The following ZCWPW2 variants were observed in gnomAD, a reference collection of about 807,000 sequenced individuals.
ZCWPW2 encodes the protein zinc finger CW-type PWWP domain protein 2.
A neutral mutation model predicts 46.6 loss-of-function variants in ZCWPW2; 45 were observed. The observed-to-expected ratio is 0.96, with a 90% CI of 0.76 to 1.24. The LOEUF is 1.24. ZCWPW2 is among the 50% of genes most tolerant of loss of function. ZCWPW2 has a pLI of 0.00. For synonymous variants in ZCWPW2, 152 were observed against 137.1 expected (o/e 1.11, Z -0.76); for missense variants, 429 against 403.9 (o/e 1.06, Z -0.53).
At chr3:28,469,242 A>G (rs1437299840) in intron 4 of ZCWPW2, among the ~76,000 whole-genome samples, 1 of 152,168 alleles carries the variant, frequency 6.6e-6, no homozygotes, top group East Asian at 1.9e-4. Flanking sequence ...TTAAAAAGCA[A>G]TAAATTTAAG....
chr3:28,468,760 G>A (rs1332322708), intron 4 of ZCWPW2, among the ~76,000 whole-genome samples: 1 of 152,058 alleles, frequency 6.6e-6, no homozygotes, highest in Non-Finnish European at 1.5e-5. Context: ...GATTTTCCCA[G>A]ACAAACAAAA....
intron 4 of ZCWPW2, among the ~76,000 whole-genome samples, chr3:28,474,851 A>C (rs1699180757): frequency 6.6e-6 from 1 of 151,500 alleles, no homozygotes; most frequent in Non-Finnish European, 1.5e-5. Context: ...TTTGTTTGAG[A>C]CGGAGTCTCG....
chr3:28,457,703 T>TTAC (rs1397371161), intron 4 of ZCWPW2, among the ~76,000 whole-genome samples: 1 of 152,216 alleles, frequency 6.6e-6, no homozygotes, highest in Non-Finnish European at 1.5e-5. Flanking sequence ...CATCAATATA[T>TTAC]TACTAATACT....
intron 4 of ZCWPW2, among the ~76,000 whole-genome samples, chr3:28,463,628 G>C (rs762815817): frequency 6.6e-6 from 1 of 152,030 alleles, no homozygotes; most frequent in Non-Finnish European, 1.5e-5. Flanking sequence ...TTTACAAGGA[G>C]GTGCCAAACT....
intron 4 of ZCWPW2, among the ~76,000 whole-genome samples, chr3:28,465,711 G>T (rs1022138027): frequency 5.9e-5 from 9 of 151,970 alleles, no homozygotes; most frequent in Non-Finnish European, 1.2e-4. Flanking sequence ...TTACATTATT[G>T]TAGACAATTA....
chr3:28,517,851 T>C (rs950713973), intron 8 of ZCWPW2, among the ~76,000 whole-genome samples: 2 of 152,150 alleles, frequency 1.3e-5, no homozygotes, highest in African/African-American at 2.4e-5. Context: ...AAACTAGATA[T>C]GGGGCTGGGC....
At chr3:28,391,656 G>A (rs1019257130) in intron 2 of ZCWPW2, among the ~76,000 whole-genome samples, 10 of 152,094 alleles carry the variant, frequency 6.6e-5, no homozygotes, top group Admixed American at 2.0e-4. Flanking sequence ...CAGTTTTCAC[G>A]GAATCCTCTT....
At chr3:28,377,376 G>C (rs1407632542) in intron 1 of ZCWPW2, among the ~76,000 whole-genome samples, 2 of 152,052 alleles carry the variant, frequency 1.3e-5, no homozygotes, top group African/African-American at 4.8e-5. Flanking sequence ...ATTACTCTTT[G>C]TTAGGATTAT....
intron 4 of ZCWPW2, among the ~76,000 whole-genome samples, chr3:28,463,296 A>G (rs1698709765): frequency 1.3e-5 from 2 of 152,102 alleles, no homozygotes. Context: ...TCTTGGAATC[A>G]TAGGATTTAC....
intron 1 of ZCWPW2, among the ~76,000 whole-genome samples, chr3:28,354,176 A>G (rs1486452954): frequency 1.3e-5 from 2 of 152,142 alleles, no homozygotes; most frequent in Non-Finnish European, 2.9e-5. Context: ...TGGGGATATC[A>G]CCACCGATCC....
chr3:28,422,752 C>A (rs894483857), intron 3 of ZCWPW2, among the ~76,000 whole-genome samples: 3 of 151,834 alleles, frequency 2.0e-5, no homozygotes, highest in Admixed American at 6.6e-5. Flanking sequence ...AATTGCTGGA[C>A]AGTATGCTAT....
chr3:28,472,349 A>C (rs980767157), intron 4 of ZCWPW2, among the ~76,000 whole-genome samples: 1 of 152,224 alleles, frequency 6.6e-6, no homozygotes, highest in Non-Finnish European at 1.5e-5. Flanking sequence ...TAGTAACCAA[A>C]ATGGTATGGT....
chr3:28,475,350 C>G (rs1374495364), intron 4 of ZCWPW2, among the ~76,000 whole-genome samples: 2 of 152,142 alleles, frequency 1.3e-5, no homozygotes, highest in African/African-American at 4.8e-5. Context: ...ACTACAGTAA[C>G]TGTTACTGCC....
chr3:28,484,159 T>C (rs549392464), intron 5 of ZCWPW2, among the ~76,000 whole-genome samples: 56 of 152,190 alleles, frequency 3.7e-4, no homozygotes, highest in Non-Finnish European at 6.6e-4. Context: ...CCGTCCTCCT[T>C]GTTTCCTGAG....
At position 28,526,269 on chromosome 3, in the gene ZCWPW2, C is replaced by CA. The variant is rs1304854892; in HGVS notation, c.*1582dup. On this transcript the variant is annotated 3_prime_UTR_variant, in exon 10 of 10. Coordinates refer to ENST00000383768, the MANE Select transcript of ZCWPW2 (RefSeq NM_001040432.4). ...AATGTAACTATACATTTGAAATGAT[C>CA]AGTTTTCTTTCTGTTATATCATTTA... Among the ~76,000 whole-genome samples the CA allele has an allele frequency of 6.6e-6, 1 of 152,046 alleles. No individual in the cohort carries two copies. The highest frequency in any genetic ancestry group is 2.4e-5 in the African/African-American group (1 of 41,400).
At chr3:28,393,632 A>C (rs1281379492) in intron 2 of ZCWPW2, among the ~76,000 whole-genome samples, 1 of 152,174 alleles carries the variant, frequency 6.6e-6, no homozygotes, top group South Asian at 2.1e-4. Context: ...AAGATGGTTC[A>C]ACATATGCAA....
chr3:28,397,907 C>T (rs1314372625), intron 2 of ZCWPW2: 1 of 152,124 alleles, frequency 6.6e-6, no homozygotes, highest in East Asian at 1.9e-4. Flanking sequence ...ATGCTTATTT[C>T]TGCATCATTT....
intron 1 of ZCWPW2, among the ~76,000 whole-genome samples, chr3:28,369,181 G>A (rs999614749): frequency 4.6e-5 from 7 of 152,184 alleles, no homozygotes; most frequent in Non-Finnish European, 7.3e-5. Flanking sequence ...TCTCCATCCA[G>A]CGTTGTTCCG....
At chr3:28,391,469 C>G (rs887815004) in intron 2 of ZCWPW2, among the ~76,000 whole-genome samples, 1 of 151,972 alleles carries the variant, frequency 6.6e-6, no homozygotes, top group African/African-American at 2.4e-5. Flanking sequence ...TTAACAACAT[C>G]CAGCAATGCA....
Sources: gnomAD v4.1 joint callset for allele counts (sites outside exome capture counted in the v4.1 genomes callset) on GRCh38, gnomAD v4.1.1 for gene constraint, MANE v1.5 for transcripts, NCBI Gene and HGNC (gene_info 2026-07-23, HGNC 2026-07-21) for gene names.